Variants in SETBP1 observed in about 807,000 individuals in gnomAD.
The protein encoded by SETBP1 is SET-binding protein.
A neutral mutation model predicts 101.0 loss-of-function variants in SETBP1; 9 were observed. The observed-to-expected ratio is 0.09, with a 90% CI of 0.05 to 0.16. SETBP1 has a LOEUF of 0.16. SETBP1 is among the 10% of genes least tolerant of loss of function. The pLI, the probability that SETBP1 is intolerant of heterozygous loss-of-function variation, is 1.00. For missense variants in SETBP1, 1,858 were observed against 2,033.8 expected (o/e 0.91, Z 1.66); for synonymous variants, 818 against 788.5 (o/e 1.04, Z -0.63).
At chr18:44,941,194 G>T (rs2071082616) in intron 3 of SETBP1, among the ~76,000 whole-genome samples, 1 of 147,246 alleles carries the variant, frequency 6.8e-6, no homozygotes, top group African/African-American at 2.5e-5. Flanking sequence ...CAATTCTTGT[G>T]CCTCACCCTC....
intron 3 of SETBP1, among the ~76,000 whole-genome samples, chr18:44,880,471 A>G (rs620137): frequency 0.88 from 133,405 of 152,260 alleles, 58,596 homozygotes; most frequent in African/African-American, 0.93. Context: ...TCCCAAAGTA[A>G]AGAACATGGG....
intron 2 of SETBP1, among the ~76,000 whole-genome samples, chr18:44,772,189 C>T (rs545424684): frequency 6.6e-6 from 1 of 152,256 alleles, no homozygotes; most frequent in South Asian, 2.1e-4. Context: ...GGTTGACTCT[C>T]CTGGGCTTGG....
At chr18:44,940,045 A>G (rs2145041932) in intron 3 of SETBP1, among the ~76,000 whole-genome samples, 1 of 152,230 alleles carries the variant, frequency 6.6e-6, no homozygotes, top group South Asian at 2.1e-4. Flanking sequence ...TATATCTTTG[A>G]AGTTCTATGG....
At chr18:44,799,226 G>A (rs1391876934) in intron 2 of SETBP1, among the ~76,000 whole-genome samples, 4 of 152,134 alleles carry the variant, frequency 2.6e-5, no homozygotes, top group Non-Finnish European at 4.4e-5. Flanking sequence ...AGCTTTAATA[G>A]ACAGGTGAGA....
At chr18:44,946,834 A>G (rs1470340523) in intron 3 of SETBP1, among the ~76,000 whole-genome samples, 1 of 152,218 alleles carries the variant, frequency 6.6e-6, no homozygotes, top group Non-Finnish European at 1.5e-5. Context: ...GCCACCTAGC[A>G]GTATAAAGAC....
rs2070730099 is a variant in SETBP1, at chr18:44,927,430, G to T, written c.541-22451G>T. Among the ~76,000 whole-genome samples, 4 of 152,226 alleles carry T rather than the reference G, an allele frequency of 2.6e-5. No homozygotes were observed. In the South Asian group the frequency reaches 8.3e-4, roughly 32 times the overall value. ...CCCTCACCCCAAAGCACTGCTTCAA[G>T]AAATATACAATGTCTAGCTTTTTAT... On this transcript the variant is annotated intron_variant, in intron 3 of 5. Transcript: ENST00000649279.
At chr18:44,986,214 CTG>C (rs1198751256) in intron 4 of SETBP1, 2 of 152,148 alleles carry the variant, frequency 1.3e-5, no homozygotes, top group African/African-American at 4.8e-5. Context: ...CTGTAGATAA[CTG>C]TAACACAATG....
chr18:44,720,883 A>G (rs1252237037), intron 2 of SETBP1, among the ~76,000 whole-genome samples: 1 of 151,764 alleles, frequency 6.6e-6, no homozygotes, highest in East Asian at 1.9e-4. Context: ...TGCACTAAGA[A>G]AGCAATGGAG....
chr18:44,755,034 C>A (rs2070462284), intron 2 of SETBP1, among the ~76,000 whole-genome samples: 1 of 152,230 alleles, frequency 6.6e-6, no homozygotes, highest in Non-Finnish European at 1.5e-5. Context: ...GCCCTTAACT[C>A]ACTGAAAGAT....
chr18:44,969,783 G>T (rs1258892750), intron 4 of SETBP1, among the ~76,000 whole-genome samples: 1 of 152,188 alleles, frequency 6.6e-6, no homozygotes, highest in Non-Finnish European at 1.5e-5. Flanking sequence ...TGATTCTGAA[G>T]ATCAAACTCT....
intron 4 of SETBP1, among the ~76,000 whole-genome samples, chr18:44,972,235 A>G (rs2071881257): frequency 6.6e-6 from 1 of 152,136 alleles, no homozygotes; most frequent in African/African-American, 2.4e-5. Context: ...ATTGGTCTAT[A>G]TCTCTGTTTT....
intron 2 of SETBP1, among the ~76,000 whole-genome samples, chr18:44,791,147 T>G (rs1351195746): frequency 6.6e-6 from 1 of 152,018 alleles, no homozygotes; most frequent in East Asian, 1.9e-4. Flanking sequence ...TGCCCTCAAT[T>G]CCAGGAGATA....
chr18:44,831,455 A>C (rs1484094525), intron 2 of SETBP1, among the ~76,000 whole-genome samples: 1 of 152,230 alleles, frequency 6.6e-6, no homozygotes, highest in African/African-American at 2.4e-5. Flanking sequence ...TATGACTTTC[A>C]ATGATCTTGC....
At chr18:45,016,281 C>T (rs1043066090) in intron 4 of SETBP1, among the ~76,000 whole-genome samples, 2 of 152,138 alleles carry the variant, frequency 1.3e-5, no homozygotes, top group African/African-American at 4.8e-5. Flanking sequence ...GCAGCCACAG[C>T]GTCTAGGAGA....
intron 3 of SETBP1, among the ~76,000 whole-genome samples, chr18:44,900,595 G>A (rs985440752): frequency 1.3e-5 from 2 of 152,146 alleles, no homozygotes; most frequent in African/African-American, 4.8e-5. Context: ...AGAAAAATTC[G>A]TTCACAATGA....
intron 5 of SETBP1, among the ~76,000 whole-genome samples, chr18:45,043,863 C>G (rs1265460604): frequency 6.6e-6 from 1 of 152,158 alleles, no homozygotes. Context: ...ATTCAGCATA[C>G]TAGTAGCTAG....
At position 44,929,365 on chromosome 18, in the gene SETBP1, G is replaced by A. The variant is rs185729793; in HGVS notation, c.541-20516G>A. On this transcript the variant is annotated intron_variant, in intron 3 of 5. Transcript: ENST00000649279. The stretch of plus-strand genomic sequence containing the variant: ...TCGTAGTATAGTTTGAAGTCAGGTA[G>A]TGTGATGCCTCCAGCTTTGTTCTTT... Among the ~76,000 whole-genome samples the A allele has an allele frequency of 3.2e-3, 481 of 152,320 alleles. 9 individuals carry two copies. The highest frequency in any genetic ancestry group is 0.027 in the Admixed American group (408 of 15,300).
chr18:44,711,398 C>T lies in SETBP1; in HGVS notation c.486+9566C>T, dbSNP rs548402823. ...TCCTTCCTTCCTTCTTTTCCTTCCT[C>T]TCTCCCTTCCTCCCTCCCTCCCTTT... On this transcript the variant is annotated intron_variant, in intron 2 of 5. Coordinates refer to ENST00000649279, the MANE Select transcript of SETBP1 (RefSeq NM_015559.3). 2.7e-5 allele frequency among the ~76,000 whole-genome samples: 4 copies of T among 147,230 alleles called. No individual in the cohort carries two copies. In the East Asian group the frequency reaches 6.1e-4, roughly 23 times the overall value.
chr18:44,704,240 G>A (rs542516043), intron 2 of SETBP1, among the ~76,000 whole-genome samples: 2 of 152,194 alleles, frequency 1.3e-5, no homozygotes, highest in South Asian at 2.1e-4. Flanking sequence ...CATATCTGAA[G>A]TTCTCAGGCT....
Sources: gnomAD v4.1 joint callset for allele counts (sites outside exome capture counted in the v4.1 genomes callset) on GRCh38, gnomAD v4.1.1 for gene constraint, MANE v1.5 for transcripts, NCBI Gene and HGNC (gene_info 2026-07-23, HGNC 2026-07-21) for gene names.